The following AUH variants were observed in gnomAD, a reference collection of about 807,000 sequenced individuals.
AUH encodes the protein AU RNA binding methylglutaconyl-CoA hydratase, also known as methylglutaconyl-CoA hydratase, mitochondrial.
Under a neutral mutation model 42.3 loss-of-function variants are expected in AUH, and 29 were observed. That is an observed-to-expected ratio of 0.69 (90% CI 0.51 to 0.93). The LOEUF is 0.93. AUH is among the 40% of genes least tolerant of loss of function. The pLI is 0.00. For missense variants in AUH, 452 were observed against 438.1 expected, an observed-to-expected ratio of 1.03 and a Z score of -0.28; for synonymous variants, 174 against 166.4, an observed-to-expected ratio of 1.05 and a Z score of -0.35.
In AUH at chr9:91,214,123, T is replaced by A. The variant is rs553444886; in HGVS notation, c.*225A>T. 100 of 485,924 alleles carry A rather than the reference T, an allele frequency of 2.1e-4. No individual in the cohort carries two copies. The Middle Eastern group carries it at 8.7e-3, about 42-fold the overall frequency. The allele number at this position is 485,924 out of a possible 1,614,324, so 30.1% of individuals were successfully genotyped here. A position where few individuals can be genotyped will look rare whatever the true frequency, so the allele number is the denominator to read the frequency against. ...AATGTATATCTAACTTTGATTCTGT[T>A]TCTGACTATACACTACTAGCTTTAT... On this transcript the variant is annotated 3_prime_UTR_variant, in exon 10 of 10. Transcript: ENST00000375731.
intron 6 of AUH, among the ~76,000 whole-genome samples, chr9:91,234,293 A>T (rs1828054816): frequency 6.6e-6 from 1 of 152,128 alleles, no homozygotes; most frequent in Non-Finnish European, 1.5e-5. Flanking sequence ...TGCTTCCAGG[A>T]CTGACAGTCT....
intron 4 of AUH, among the ~76,000 whole-genome samples, chr9:91,309,790 C>T (rs540430187): frequency 2.0e-5 from 3 of 152,314 alleles, no homozygotes; most frequent in Admixed American, 6.5e-5. Flanking sequence ...AACAAACCTG[C>T]ACATGTATCC....
chr9:91,245,463 G>A (rs1428915445), intron 6 of AUH, among the ~76,000 whole-genome samples: 1 of 152,166 alleles, frequency 6.6e-6, no homozygotes, highest in Non-Finnish European at 1.5e-5. Flanking sequence ...AGGAAAGCTG[G>A]AGAAAGAAGA....
chr9:91,246,260 C>A (rs1204980720), intron 6 of AUH, among the ~76,000 whole-genome samples: 2 of 151,934 alleles, frequency 1.3e-5, no homozygotes, highest in Non-Finnish European at 2.9e-5. Context: ...GAGGTTCATG[C>A]TAAAAAAACA....
chr9:91,295,034 C>T (rs1286985492), intron 6 of AUH, among the ~76,000 whole-genome samples: 1 of 152,126 alleles, frequency 6.6e-6, no homozygotes, highest in Non-Finnish European at 1.5e-5. Flanking sequence ...GCGGGTTTCC[C>T]CCATACTATT....
chr9:91,273,508 T>C (rs1045979733), intron 6 of AUH, among the ~76,000 whole-genome samples: 2 of 152,214 alleles, frequency 1.3e-5, no homozygotes, highest in African/African-American at 4.8e-5. Flanking sequence ...TAAGTGAAAA[T>C]AGTTGAAAAA....
At chr9:91,356,537 TAC>T (rs1587932136) in intron 1 of AUH, among the ~76,000 whole-genome samples, 1 of 152,354 alleles carries the variant, frequency 6.6e-6, no homozygotes, top group South Asian at 2.1e-4. Flanking sequence ...TTGTTCATAC[TAC>T]ACAGTTTTCA....
intron 3 of AUH, among the ~76,000 whole-genome samples, chr9:91,347,476 G>C (rs929008993): frequency 1.1e-4 from 16 of 152,112 alleles, no homozygotes; most frequent in African/African-American, 3.9e-4. Context: ...TCCCCTCTGG[G>C]GGGAGAGGGT....
At chr9:91,340,423 C>A (rs572739081) in intron 3 of AUH, among the ~76,000 whole-genome samples, 1 of 152,112 alleles carries the variant, frequency 6.6e-6, no homozygotes, top group Non-Finnish European at 1.5e-5. Context: ...AATCATGTTG[C>A]CTTTTTCTTT....
At chr9:91,295,210 G>GT (rs1827227872) in intron 6 of AUH, among the ~76,000 whole-genome samples, 1 of 152,104 alleles carries the variant, frequency 6.6e-6, no homozygotes, top group Non-Finnish European at 1.5e-5. Flanking sequence ...ATGTAGAACT[G>GT]TGAGTCCATT....
At chr9:91,352,356 T>C (rs1293388218) in intron 3 of AUH, among the ~76,000 whole-genome samples, 1 of 152,076 alleles carries the variant, frequency 6.6e-6, no homozygotes, top group Non-Finnish European at 1.5e-5. Context: ...ATGGAGCACA[T>C]GACTGTATTT....
Position 91,234,595 on chromosome 9 carries a change from T to A in AUH, c.656-13603A>T, listed in dbSNP as rs1389176454. On this transcript the variant is annotated intron_variant, in intron 6 of 9. Transcript: ENST00000375731. ...TTTAAAAAAGTCAGATGAAACTGAA[T>A]GGGAGTTTATCCGTTTTACTTTTTC... 2.0e-5 allele frequency among the ~76,000 whole-genome samples: 3 copies of A among 152,048 alleles called. No homozygotes were observed. The East Asian group carries it at 5.8e-4, about 29-fold the overall frequency.
chr9:91,297,962 T>G, intron 5 of AUH, 22 bp downstream of exon 5: 1 of 1,549,346 alleles, frequency 6.5e-7, no homozygotes, highest in Non-Finnish European at 8.9e-7. Context: ...TAAATTATGT[T>G]TTTAACAGGA....
At chr9:91,303,711 CTA>C (rs1379875386) in intron 4 of AUH, among the ~76,000 whole-genome samples, 2 of 152,268 alleles carry the variant, frequency 1.3e-5, no homozygotes, top group African/African-American at 4.8e-5. Context: ...GGGAAAGGCC[CTA>C]TGTAGCATTA....
intron 6 of AUH, among the ~76,000 whole-genome samples, chr9:91,231,209 G>A (rs1216606343): frequency 1.3e-5 from 2 of 152,182 alleles, no homozygotes; most frequent in African/African-American, 4.8e-5. Context: ...GAGACTCCAT[G>A]GGGTAGGACC....
At chr9:91,327,149 T>C (rs1830015305) in intron 3 of AUH, among the ~76,000 whole-genome samples, 1 of 152,158 alleles carries the variant, frequency 6.6e-6, no homozygotes, top group Non-Finnish European at 1.5e-5. Flanking sequence ...CCACCAAAGC[T>C]ATCCATCCAG....
Position 91,309,555 on chromosome 9 carries a change from G to A in AUH, c.506-11479C>T, listed in dbSNP as rs138047668. 3.1e-3 allele frequency among the ~76,000 whole-genome samples: 473 copies of A among 152,178 alleles called. 1 individual carries two copies. The highest frequency in any genetic ancestry group is 4.8e-3 in the Admixed American group (73 of 15,286). ...GTCATTATCCTTAGTGAAATAACTC[G>A]GAAATAGAAAATCAAATACTGCCAT... On this transcript the variant is annotated intron_variant, in intron 4 of 9. Coordinates refer to ENST00000375731, the MANE Select transcript of AUH (RefSeq NM_001698.3).
chr9:91,340,014 G>A (rs973977675), intron 3 of AUH, among the ~76,000 whole-genome samples: 2 of 152,106 alleles, frequency 1.3e-5, no homozygotes, highest in African/African-American at 4.8e-5. Context: ...AATGCACTAG[G>A]GTTCCCTAAT....
At chr9:91,330,914 G>A (rs1412748996) in intron 3 of AUH, among the ~76,000 whole-genome samples, 1 of 152,226 alleles carries the variant, frequency 6.6e-6, no homozygotes, top group Non-Finnish European at 1.5e-5. Context: ...TAATGATAAG[G>A]AAGGGACATG....
Sources: allele counts gnomAD v4.1 joint callset (sites outside exome capture counted in the v4.1 genomes callset), GRCh38; gene constraint gnomAD v4.1.1; transcripts MANE v1.5; gene names NCBI Gene and HGNC (gene_info 2026-07-23, HGNC 2026-07-21).